Variants in SRCIN1 observed in about 807,000 individuals in gnomAD.
The protein encoded by SRCIN1 is P130Cas-associated protein.
Under a neutral mutation model 116.2 loss-of-function variants are expected in SRCIN1, and 50 were observed. That is an observed-to-expected ratio of 0.43 (90% CI 0.34 to 0.54). The LOEUF (loss-of-function observed/expected upper bound fraction) is 0.54, where lower values mean the gene tolerates loss of function less well. SRCIN1 is among the 20% of genes least tolerant of loss of function. The pLI is 0.02. For synonymous variants in SRCIN1, 736 were observed against 750.0 expected (o/e 0.98, Z 0.30); for missense variants, 1,446 against 1,672.0 (o/e 0.86, Z 2.36).
intron 1 of SRCIN1, among the ~76,000 whole-genome samples, chr17:38,593,710 AT>A (rs1453168002): frequency 1.1e-4 from 16 of 151,934 alleles, no homozygotes; most frequent in African/African-American, 2.4e-5. Context: ...ACCAGTGATG[AT>A]TTTTTTTCTC....
At chr17:38,584,886 G>A (rs1360075854) in intron 1 of SRCIN1, among the ~76,000 whole-genome samples, 1 of 152,156 alleles carries the variant, frequency 6.6e-6, no homozygotes, top group African/African-American at 2.4e-5. Context: ...AGAGGCAAAT[G>A]GACAAAGTAG....
chr17:38,548,580 C>T lies in SRCIN1; in HGVS notation c.3247G>A (p.Asp1083Asn). Residue 1083 changes from aspartate to asparagine, a missense_variant, in exon 17 of 19, where the codon GAT (aspartate) becomes AAT (asparagine). Transcript: ENST00000617146. ...ASAIKDEDDE[D>N]RIIAELESGG... ...ACCTCTAGCTCTGCGATGATGCGAT[C>T]CTCGTCATCCTCGTCCTTGATGGCC... The T allele has an allele frequency of 6.2e-7, 1 of 1,612,424 alleles. No individual in the cohort carries two copies. Among genetic ancestry groups the T allele is most frequent in the Non-Finnish European group, 8.5e-7 (1 of 1,179,794 alleles).
intron 3 of SRCIN1, among the ~76,000 whole-genome samples, chr17:38,564,744 A>C (rs901743659): frequency 1.4e-4 from 2 of 13,974 alleles, no homozygotes; most frequent in Non-Finnish European, 4.1e-4. Flanking sequence ...TGGAGTTCAG[A>C]GGGTGGGGGT....
chr17:38,575,157 C>T (rs1907339501), intron 2 of SRCIN1, among the ~76,000 whole-genome samples: 3 of 152,254 alleles, frequency 2.0e-5, no homozygotes, highest in Admixed American at 2.0e-4. Flanking sequence ...TAGAGCCCTG[C>T]TCTGTTTCTG....
chr17:38,564,069 A>G, intron 4 of SRCIN1, 49 bp downstream of exon 4: 2 of 1,486,666 alleles, frequency 1.3e-6, no homozygotes, highest in East Asian at 2.7e-5. Flanking sequence ...AGTGAAGAGC[A>G]GAGGGAGGAG....
intron 2 of SRCIN1, chr17:38,575,054 C>A: frequency 2.5e-6 from 1 of 399,300 alleles, no homozygotes; most frequent in Non-Finnish European, 4.4e-6. Flanking sequence ...GAGGGAAGGG[C>A]ATTCCTGGGG....
rs1051207679 is a variant in SRCIN1, at chr17:38,552,487, G to A, written c.2440C>T (p.Arg814Cys). ...EPQRLDGLLK[R>C]CRGVTDTLAQ... ...AGCGTGTCCGTGACCCCGCGGCAGCGCTTGAGGAGCCCATCCAGGCGCTGG... is the reference window on the plus strand; with the variant it reads ...AGCGTGTCCGTGACCCCGCGGCAGCACTTGAGGAGCCCATCCAGGCGCTGG... Residue 814 changes from arginine (R) to cysteine (C), a missense_variant, in exon 13 of 19, where the codon CGC (arginine) becomes TGC (cysteine). By Grantham distance (180) the Arg-to-Cys change is radical. Transcript: ENST00000617146. The surrounding 1 kb of genome is among the most constrained non-coding windows in gnomAD (Gnocchi z 5.3). 5.6e-6 allele frequency: 9 copies of A among 1,603,636 alleles called. No individual in the cohort carries two copies. Among genetic ancestry groups the A allele is most frequent in the East Asian group, 4.5e-5 (2 of 44,246 alleles).
chr17:38,559,803 G>T, intron 9 of SRCIN1, 31 bp from the exon 10 acceptor site: 1 of 1,473,204 alleles, frequency 6.8e-7, no homozygotes, highest in African/African-American at 1.4e-5. Flanking sequence ...GGGAGAAAGT[G>T]AACAAACTGT....
chr17:38,604,668 G>C lies in SRCIN1; in HGVS notation c.22+1016C>G, dbSNP rs1414200101. The C allele has an allele frequency of 5.3e-6, 2 of 380,088 alleles. No homozygotes were observed. Among genetic ancestry groups the C allele is most frequent in the Non-Finnish European group, 1.0e-5 (2 of 191,300 alleles). 23.5% of individuals were successfully genotyped at this position (380,088 alleles called of 1,614,324 possible). A position where few individuals can be genotyped will look rare whatever the true frequency, so the allele number is the denominator to read the frequency against. On this transcript the variant is annotated intron_variant, in intron 1 of 18. Coordinates refer to ENST00000617146, the MANE Select transcript of SRCIN1 (RefSeq NM_025248.3). The surrounding 1 kb of genome is among the most constrained non-coding windows in gnomAD (Gnocchi z 4.3). The stretch of plus-strand genomic sequence containing the variant: ...CACGCCCCGCCGGGCCCTGACAGCT[G>C]AGCTGCGGAGGCACCCGGCCTGTCC...
intron 11 of SRCIN1, among the ~76,000 whole-genome samples, chr17:38,555,899 T>G (rs1210370996): frequency 6.6e-6 from 1 of 152,180 alleles, no homozygotes; most frequent in African/African-American, 2.4e-5. Flanking sequence ...GAGACTCTCA[T>G]GTAAAGGACT....
intron 2 of SRCIN1, among the ~76,000 whole-genome samples, chr17:38,576,739 C>T (rs991100476): frequency 1.5e-4 from 23 of 152,098 alleles, no homozygotes; most frequent in African/African-American, 4.1e-4. Flanking sequence ...ATCTCCCTGT[C>T]GCCCAGGTGT....
intron 18 of SRCIN1, 34 bp from the exon 19 acceptor site, chr17:38,533,465 C>T (rs368718828): frequency 2.0e-5 from 32 of 1,595,820 alleles, no homozygotes; most frequent in African/African-American, 6.8e-5. Context: ...GGTCAGAGAG[C>T]GGAAGGGAGC....
chr17:38,558,502 G>A lies in SRCIN1; in HGVS notation c.2026-100C>T. 7.3e-7 allele frequency: 1 copy of A among 1,378,044 alleles called. No individual in the cohort carries two copies. The highest frequency in any genetic ancestry group is 1.4e-5 in the South Asian group (1 of 74,052). 85.4% of individuals were successfully genotyped at this position (1,378,044 alleles called of 1,614,324 possible). A position where few individuals can be genotyped will look rare whatever the true frequency, so the allele number is the denominator to read the frequency against. On this transcript the variant is annotated intron_variant, in intron 10 of 18. Coordinates refer to ENST00000617146, the MANE Select transcript of SRCIN1 (RefSeq NM_025248.3). This position sits in a 1 kb window ranked among gnomAD's most constrained non-coding sequence, Gnocchi z 4.6. ...CGGGTAGAGGACTGCCCAATCCAGGGCGGGGCTCTGCAGAAGAAGCGGCTG... is the reference window on the plus strand; with the variant it reads ...CGGGTAGAGGACTGCCCAATCCAGGACGGGGCTCTGCAGAAGAAGCGGCTG...
At chr17:38,592,976 C>T (rs1040796829) in intron 1 of SRCIN1, among the ~76,000 whole-genome samples, 2 of 152,140 alleles carry the variant, frequency 1.3e-5, no homozygotes, top group African/African-American at 2.4e-5. Flanking sequence ...CCCTATCATC[C>T]TCATGCATCG....
chr17:38,539,640 C>A (rs959626334), intron 18 of SRCIN1, among the ~76,000 whole-genome samples: 1 of 152,192 alleles, frequency 6.6e-6, no homozygotes. Context: ...ACTGCCCTTC[C>A]CCCAGGGAGT....
Position 38,562,380 on chromosome 17 carries a change from CT to C in SRCIN1, c.835-53del. 7.2e-7 allele frequency: 1 copy of C among 1,392,282 alleles called. No homozygotes were observed. The highest frequency in any genetic ancestry group is 9.3e-7 in the Non-Finnish European group (1 of 1,080,242). 86.2% of individuals were successfully genotyped at this position (1,392,282 alleles called of 1,614,324 possible). ...ACGGGGCTGGTCACCAAGGACACCCCTGTCCCTTGCTTGAGGAGCCAGCATC... is the reference window on the plus strand; with the variant it reads ...ACGGGGCTGGTCACCAAGGACACCCCGTCCCTTGCTTGAGGAGCCAGCATC... On this transcript the variant is annotated intron_variant, in intron 6 of 18. Coordinates refer to ENST00000617146, the MANE Select transcript of SRCIN1 (RefSeq NM_025248.3). The surrounding 1 kb of genome is among the most constrained non-coding windows in gnomAD (Gnocchi z 4.2).
intron 1 of SRCIN1, among the ~76,000 whole-genome samples, chr17:38,593,167 G>T (rs944624328): frequency 3.9e-5 from 6 of 152,178 alleles, no homozygotes; most frequent in African/African-American, 1.4e-4. Flanking sequence ...GGTTGTTGGG[G>T]AAGGGCATTT....
chr17:38,548,778 C>G, intron 16 of SRCIN1, 69 bp from the exon 17 acceptor site: 8 of 1,466,950 alleles, frequency 5.5e-6, no homozygotes, highest in Non-Finnish European at 7.2e-6. Flanking sequence ...CCTCCCAGGC[C>G]CCATCGCCCA....
At chr17:38,538,765 TC>T (rs1425273549) in intron 18 of SRCIN1, among the ~76,000 whole-genome samples, 5 of 152,164 alleles carry the variant, frequency 3.3e-5, no homozygotes, top group Non-Finnish European at 5.9e-5. Flanking sequence ...GAGGTTATGC[TC>T]CCTGGCAGGG....
Sources: allele counts gnomAD v4.1 joint callset (sites outside exome capture counted in the v4.1 genomes callset), GRCh38; gene constraint gnomAD v4.1.1; non-coding constraint Gnocchi (gnomAD v3.1); transcripts MANE v1.5; gene names NCBI Gene and HGNC (gene_info 2026-07-23, HGNC 2026-07-21).